The following DNAH5 variants were observed in gnomAD, a reference collection of about 807,000 sequenced individuals.
The protein encoded by DNAH5 is dynein axonemal heavy chain 5.
In DNAH5, 372 loss-of-function variants were observed where a neutral mutation model predicts 518.2. That is an observed-to-expected ratio of 0.72 (90% confidence interval 0.66 to 0.78). The LOEUF (loss-of-function observed/expected upper bound fraction) is 0.78, where lower values mean the gene tolerates loss of function less well. Ranked by LOEUF, DNAH5 falls within the 30% of genes least tolerant of loss-of-function variation. The pLI, the probability that DNAH5 is intolerant of heterozygous loss-of-function variation, is 0.00. For synonymous variants in DNAH5, 2,039 were observed against 2,025.9 expected, an observed-to-expected ratio of 1.01 and a Z score of -0.17; for missense variants, 5,523 against 5,687.0, an observed-to-expected ratio of 0.97 and a Z score of 0.93.
rs183954205 is a variant in DNAH5, at chr5:13,695,339, C to A, written c.13724-3204G>T. ...GAGGGAGGTATACGGAGGGAGAGCA[C>A]CATCCGCAGAGGGCTCTCCCTGTGC... On this transcript the variant is annotated intron_variant, in intron 78 of 78. Coordinates refer to ENST00000265104, the MANE Select transcript of DNAH5 (RefSeq NM_001369.3). Among the ~76,000 whole-genome samples the A allele has an allele frequency of 2.0e-5, 3 of 152,244 alleles. No individual in the cohort carries two copies. The East Asian group carries it at 5.8e-4, about 29-fold the overall frequency.
intron 59 of DNAH5, 33 bp from the exon 60 acceptor site, chr5:13,762,934 C>A (rs565987557): frequency 1.7e-5 from 26 of 1,562,728 alleles, no homozygotes; most frequent in Non-Finnish European, 2.2e-5. Flanking sequence ...AAAGTCGAAA[C>A]ACTTCTTTCC....
intron 65 of DNAH5, among the ~76,000 whole-genome samples, chr5:13,743,027 A>C (rs1006254292): frequency 1.3e-5 from 2 of 152,078 alleles, no homozygotes; most frequent in Non-Finnish European, 2.9e-5. Flanking sequence ...GGCTGATTTA[A>C]ACATTTGTAT....
intron 31 of DNAH5, among the ~76,000 whole-genome samples, chr5:13,849,677 C>G (rs768789827): frequency 4.1e-4 from 63 of 152,112 alleles, no homozygotes; most frequent in Non-Finnish European, 7.1e-4. Context: ...TTGACCTTAA[C>G]TTTCTCATGC....
chr5:13,713,187 A>G (rs1310437017), intron 75 of DNAH5, among the ~76,000 whole-genome samples: 1 of 147,458 alleles, frequency 6.8e-6, no homozygotes, highest in Non-Finnish European at 1.5e-5. Context: ...ATATATACGG[A>G]CATATATATG....
chr5:13,970,850 A>G (rs1442444773), intron 1 of DNAH5, among the ~76,000 whole-genome samples: 1 of 152,124 alleles, frequency 6.6e-6, no homozygotes, highest in Non-Finnish European at 1.5e-5. Flanking sequence ...AGACCAGGGA[A>G]GTTTACCTCA....
intron 18 of DNAH5, among the ~76,000 whole-genome samples, chr5:13,885,442 T>G (rs1772280518): frequency 6.6e-6 from 1 of 152,164 alleles, no homozygotes; most frequent in African/African-American, 2.4e-5. Context: ...TGGAAGCATC[T>G]CCTTCTCAAT....
In DNAH5 at chr5:13,820,469, G is replaced by A. The variant is rs867678270; in HGVS notation, c.6718C>T (p.Pro2240Ser). 1.9e-6 allele frequency: 3 copies of A among 1,613,952 alleles called. No homozygotes were observed. The highest frequency in any genetic ancestry group is 1.3e-5 in the African/African-American group (1 of 74,914). ...VEEAGLINHP[P>S]WKLKVIQLFE... ...AGCTGGATGACCTTCAGTTTCCAAG[G>A]AGGATGGTTGATTAAACCAGCTTCT... Residue 2240 changes from proline to serine, a missense_variant, in exon 41 of 79, where the codon CCT becomes TCT. Around this residue, in one of 3 missense-constraint regions of DNAH5, gnomAD observed 5,121 missense variants for 5,223.3 expected, o/e 0.98. Transcript: ENST00000265104.
chr5:13,961,228 A>G (rs2152046818), intron 1 of DNAH5, among the ~76,000 whole-genome samples: 1 of 152,344 alleles, frequency 6.6e-6, no homozygotes, highest in Non-Finnish European at 1.5e-5. Context: ...GTATTACTAT[A>G]CCCATTTTCC....
At chr5:13,726,866 T>C (rs900470189) in intron 70 of DNAH5, among the ~76,000 whole-genome samples, 3 of 152,230 alleles carry the variant, frequency 2.0e-5, no homozygotes, top group African/African-American at 7.2e-5. Context: ...CTGGGCTGAA[T>C]ATCAGCGTTA....
chr5:13,824,789 G>A (rs1394287315), intron 38 of DNAH5, among the ~76,000 whole-genome samples: 1 of 151,996 alleles, frequency 6.6e-6, no homozygotes, highest in Admixed American at 6.5e-5. Context: ...GAGAATCAGG[G>A]AGAAAAAAAG....
Position 13,867,846 on chromosome 5 carries a change from G to A in DNAH5, c.3981C>T (p.Phe1327=), listed in dbSNP as rs759399756. The change falls in exon 25 of 79, where the codon TTC becomes TTT. Residue 1327 remains phenylalanine (F), a synonymous_variant. Coordinates refer to ENST00000265104, the MANE Select transcript of DNAH5 (RefSeq NM_001369.3). ...QNKLVSLQPS[F]KKELISAVEV... Reference sequence around the variant, plus strand: ...CCACAGCACTAATAAGCTCTTTCTTGAAACTGGGCTGCAGTGAGACTAATT... The same window carrying A: ...CCACAGCACTAATAAGCTCTTTCTTAAAACTGGGCTGCAGTGAGACTAATT... 6.2e-7 allele frequency: 1 copy of A among 1,614,066 alleles called. No individual in the cohort carries two copies. The highest frequency in any genetic ancestry group is 1.1e-5 in the South Asian group (1 of 91,070).
intron 21 of DNAH5, among the ~76,000 whole-genome samples, chr5:13,879,925 G>A (rs1771428650): frequency 6.6e-6 from 1 of 152,104 alleles, no homozygotes; most frequent in Admixed American, 6.6e-5. Flanking sequence ...AAGCCTGGGG[G>A]AGGAAATAGA....
chr5:13,771,094 A>C, intron 55 of DNAH5, 114 bp from the exon 56 acceptor site: 1 of 911,502 alleles, frequency 1.1e-6, no homozygotes. Flanking sequence ...CCATTTTTGT[A>C]GCCCCAGCTA....
intron 60 of DNAH5, 95 bp from the exon 61 acceptor site, chr5:13,759,078 A>G (rs1751432652): frequency 6.5e-7 from 1 of 1,542,532 alleles, no homozygotes; most frequent in South Asian, 1.1e-5. Flanking sequence ...TCACATGTTT[A>G]TACCTTTGCT....
intron 1 of DNAH5, among the ~76,000 whole-genome samples, chr5:13,989,578 G>C (rs1783357271): frequency 6.6e-6 from 1 of 150,876 alleles, no homozygotes. Flanking sequence ...CTGCCTCCCG[G>C]GTTCACGCCG....
At chr5:13,896,535 A>G (rs1218959886) in intron 15 of DNAH5, 1 of 152,232 alleles carries the variant, frequency 6.6e-6, no homozygotes, top group Non-Finnish European at 1.5e-5. Context: ...TTATTACAAT[A>G]GACTATATTA....
Position 13,793,894 on chromosome 5 carries a change from T to C in DNAH5, c.8010+42A>G. On this transcript the variant is annotated intron_variant, in intron 48 of 78. Coordinates refer to ENST00000265104, the MANE Select transcript of DNAH5 (RefSeq NM_001369.3). ...AAAAACTCTTCTAAGAATAAATCAA[T>C]ACCAAATTAAAGAAATAAAATGCAC... 1.2e-6 allele frequency: 2 copies of C among 1,609,294 alleles called. 1 individual carries two copies. Among genetic ancestry groups the C allele is most frequent in the African/African-American group, 2.7e-5 (2 of 74,704 alleles).
intron 71 of DNAH5, 91 bp from the exon 72 acceptor site, chr5:13,719,192 T>C: frequency 9.4e-7 from 1 of 1,058,792 alleles, no homozygotes; most frequent in Non-Finnish European, 1.4e-6. Flanking sequence ...TAATTAAAAT[T>C]TAATAGGAAA....
chr5:13,969,884 T>C (rs758900444), intron 1 of DNAH5, among the ~76,000 whole-genome samples: 5 of 152,204 alleles, frequency 3.3e-5, no homozygotes, highest in Non-Finnish European at 7.4e-5. Flanking sequence ...CTTGACGACC[T>C]GTAACTGGAG....
Sources: allele counts gnomAD v4.1 joint callset (sites outside exome capture counted in the v4.1 genomes callset), GRCh38; gene constraint gnomAD v4.1.1; regional missense constraint gnomAD v4.1.1; transcripts MANE v1.5; gene names NCBI Gene and HGNC (gene_info 2026-07-23, HGNC 2026-07-21).